The following ADGRE2 variants were observed in gnomAD, a reference collection of about 807,000 sequenced individuals.
ADGRE2 encodes the protein CD97 antigen.
ADGRE2 carries 83 observed loss-of-function variants against 100.8 expected under a neutral mutation model. The observed-to-expected ratio is 0.82, with a 90% CI of 0.69 to 0.99. The LOEUF (loss-of-function observed/expected upper bound fraction) is 0.99. Among genes scored for constraint, ADGRE2 ranks in the 50% least tolerant of loss-of-function variants. The pLI is 0.00. For synonymous variants in ADGRE2, 355 were observed against 413.0 expected (o/e 0.86, Z 1.70); for missense variants, 814 against 1,035.7 (o/e 0.79, Z 2.94).
Position 14,774,275 on chromosome 19 carries a change from A to G in ADGRE2, c.63T>C (p.Ala21=). 1 of 1,583,536 alleles carries G rather than the reference A, an allele frequency of 6.3e-7. No individual in the cohort carries two copies. The highest frequency in any genetic ancestry group is 8.6e-7 in the Non-Finnish European group (1 of 1,161,690). ...AFCVWLTLPG[A]ETQDSRGCAR... ...ACTCACCCCTGGAGTCCTGGGTTTC[A>G]GCTCCCGGCAGAGTCAGCCAGACAC... Residue 21 remains alanine (A), a synonymous_variant, in exon 3 of 21, where the codon GCT becomes GCC. Coordinates refer to ENST00000315576, the MANE Select transcript of ADGRE2 (RefSeq NM_013447.4).
At chr19:14,773,631 T>C (rs967073005) in intron 4 of ADGRE2, among the ~76,000 whole-genome samples, 2 of 151,838 alleles carry the variant, frequency 1.3e-5, no homozygotes, top group African/African-American at 2.4e-5. Context: ...CCCGCCTCAG[T>C]CTTCTGAGTA....
chr19:14,767,330 C>T (rs1310648242), intron 5 of ADGRE2, among the ~76,000 whole-genome samples: 1 of 151,924 alleles, frequency 6.6e-6, no homozygotes, highest in Non-Finnish European at 1.5e-5. Context: ...CCTCCGCCTC[C>T]CGGGTTCACG....
intron 11 of ADGRE2, among the ~76,000 whole-genome samples, chr19:14,759,135 G>C (rs1249442706): frequency 1.3e-5 from 2 of 152,026 alleles, no homozygotes; most frequent in Admixed American, 1.3e-4. Context: ...CTGGCTCCAC[G>C]TTGCCTGCTT....
Position 14,776,931 on chromosome 19 carries a change from G to A in ADGRE2, c.-171-4C>T. On this transcript the variant is annotated splice_polypyrimidine_tract_variant and splice_region_variant and intron_variant, in intron 1 of 20. Transcript: ENST00000315576. ...CTCCCCGGAACTGGCGGTGCAGCTG[G>A]AAGCCAGCAGGAAAGCACAATAAAA... The A allele has an allele frequency of 6.9e-7, 1 of 1,439,110 alleles. No individual in the cohort carries two copies. 89.1% of individuals were successfully genotyped at this position (1,439,110 alleles called of 1,614,324 possible). A position where few individuals can be genotyped will look rare whatever the true frequency, so the allele number is the denominator to read the frequency against.
chr19:14,769,344 G>C (rs577875183), intron 5 of ADGRE2, among the ~76,000 whole-genome samples: 63 of 152,326 alleles, frequency 4.1e-4, no homozygotes, highest in African/African-American at 1.4e-3. Context: ...GGTTTGGATA[G>C]CGACAGGTGA....
At chr19:14,737,033 A>G (rs2042779122) in intron 20 of ADGRE2, among the ~76,000 whole-genome samples, 1 of 140,152 alleles carries the variant, frequency 7.1e-6, no homozygotes, top group African/African-American at 2.5e-5. Context: ...TGCCACAAAA[A>G]TAAGTAACTA....
At chr19:14,776,530 T>C in intron 2 of ADGRE2, 196 bp downstream of exon 2, 1 of 628,524 alleles carries the variant, frequency 1.6e-6, no homozygotes, top group Non-Finnish European at 2.8e-6. Context: ...ACCCTGGAGT[T>C]CCTGCCGGGG....
chr19:14,770,611 G>T (rs2044160240), intron 5 of ADGRE2, among the ~76,000 whole-genome samples: 1 of 150,356 alleles, frequency 6.7e-6, no homozygotes, highest in African/African-American at 2.4e-5. Context: ...ATGGGGCTGT[G>T]TCTACCTGGA....
intron 20 of ADGRE2, among the ~76,000 whole-genome samples, chr19:14,741,299 G>A (rs2042922344): frequency 6.6e-6 from 1 of 151,782 alleles, no homozygotes; most frequent in African/African-American, 2.4e-5. Context: ...GTTTTGCCAT[G>A]TTGGCCAGGC....
intron 7 of ADGRE2, 120 bp downstream of exon 7, chr19:14,766,115 A>G (rs2147432226): frequency 6.5e-7 from 1 of 1,540,928 alleles, no homozygotes; most frequent in East Asian, 2.3e-5. Context: ...CCTCAGAAGA[A>G]TGAACGCCTG....
intron 11 of ADGRE2, among the ~76,000 whole-genome samples, chr19:14,761,010 C>T (rs563823149): frequency 2.0e-5 from 3 of 152,264 alleles, no homozygotes; most frequent in African/African-American, 7.2e-5. Context: ...AAGCACCCGC[C>T]CCACACCTCC....
At chr19:14,741,316 C>T (rs530663642) in intron 20 of ADGRE2, among the ~76,000 whole-genome samples, 3 of 151,756 alleles carry the variant, frequency 2.0e-5, no homozygotes, top group Non-Finnish European at 2.9e-5. Flanking sequence ...AGGCTGGTCT[C>T]GAACTCCTGG....
downstream of ADGRE2, chr19:14,731,226 C>T (rs2042668729): frequency 6.5e-7 from 1 of 1,527,576 alleles, no homozygotes; most frequent in Non-Finnish European, 8.8e-7. Flanking sequence ...CTTGCATGTT[C>T]AGATCGCTAG....
intron 10 of ADGRE2, 109 bp downstream of exon 10, chr19:14,765,211 G>T: frequency 1.8e-6 from 2 of 1,115,390 alleles, no homozygotes; most frequent in Non-Finnish European, 2.7e-6. Context: ...AGTCAGACCA[G>T]CACCCACTGC....
At position 14,732,888 on chromosome 19, in the gene ADGRE2, G is replaced by T. The variant is rs1730812958; in HGVS notation, c.*3348C>A. ...CATACCACAGTGGTAGAATTGAGTT[G>T]CTGTAAATACCTGGCTCACAAAGCC... On this transcript the variant is annotated 3_prime_UTR_variant, in exon 21 of 21. Coordinates refer to ENST00000315576, the MANE Select transcript of ADGRE2 (RefSeq NM_013447.4). 1 of 152,164 alleles carries T rather than the reference G, an allele frequency of 6.6e-6. No homozygotes were observed. Among genetic ancestry groups the T allele is most frequent in the African/African-American group, 2.4e-5 (1 of 41,436 alleles). 9.4% of individuals were successfully genotyped at this position (152,164 alleles called of 1,614,324 possible).
At chr19:14,756,096 C>T in intron 12 of ADGRE2, 142 bp downstream of exon 12, 3 of 774,514 alleles carry the variant, frequency 3.9e-6, no homozygotes, top group Admixed American at 4.1e-5. Context: ...GTCCGTTCCT[C>T]CTCAGCTGGA....
At chr19:14,745,355 C>G (rs749188240) in intron 18 of ADGRE2, among the ~76,000 whole-genome samples, 2 of 152,126 alleles carry the variant, frequency 1.3e-5, no homozygotes, top group Non-Finnish European at 2.9e-5. Flanking sequence ...ATGATTAAGT[C>G]AGAGTATTTG....
intron 2 of ADGRE2, among the ~76,000 whole-genome samples, chr19:14,775,285 A>G (rs1324448955): frequency 6.6e-6 from 1 of 152,004 alleles, no homozygotes; most frequent in Non-Finnish European, 1.5e-5. Flanking sequence ...GATTACAGGC[A>G]TGAGCCATCA....
At chr19:14,764,289 T>C in intron 11 of ADGRE2, 144 bp downstream of exon 11, 3 of 717,050 alleles carry the variant, frequency 4.2e-6, no homozygotes, top group Non-Finnish European at 7.1e-6. Flanking sequence ...GACTGGTATG[T>C]ATTTCTTTTT....
Sources: gnomAD v4.1 joint callset for allele counts (sites outside exome capture counted in the v4.1 genomes callset) on GRCh38, gnomAD v4.1.1 for gene constraint, MANE v1.5 for transcripts, NCBI Gene and HGNC (gene_info 2026-07-23, HGNC 2026-07-21) for gene names.